PRMT3: variants seen among roughly 807,000 people sequenced by gnomAD.
The protein encoded by PRMT3 is protein arginine N-methyltransferase 3.
In PRMT3, 62 loss-of-function variants were observed where a neutral mutation model predicts 71.9. The ratio of observed to expected loss-of-function variants is 0.86; its 90% CI spans 0.70 to 1.07. PRMT3 has a LOEUF of 1.07. Ranked by LOEUF, PRMT3 falls within the 50% of genes least tolerant of loss-of-function variation. PRMT3 has a pLI of 0.00. For synonymous variants in PRMT3, 213 were observed against 220.4 expected, an observed-to-expected ratio of 0.97 and a Z score of 0.30; for missense variants, 663 against 643.0, an observed-to-expected ratio of 1.03 and a Z score of -0.34.
At chr11:20,463,610 T>C (rs1177396825) in intron 12 of PRMT3, among the ~76,000 whole-genome samples, 1 of 152,188 alleles carries the variant, frequency 6.6e-6, no homozygotes, top group Non-Finnish European at 1.5e-5. Context: ...AGTAAATAGT[T>C]TGTTCTGTAT....
At chr11:20,469,380 C>T (rs962796585) in intron 13 of PRMT3, among the ~76,000 whole-genome samples, 5 of 152,108 alleles carry the variant, frequency 3.3e-5, no homozygotes, top group African/African-American at 4.8e-5. Context: ...ATCTGTGTGT[C>T]TATAAGCTAC....
chr11:20,399,525 A>AT, intron 7 of PRMT3, among the ~76,000 whole-genome samples: 1 of 152,206 alleles, frequency 6.6e-6, no homozygotes, highest in Admixed American at 6.5e-5. Flanking sequence ...ATTAAAATTA[A>AT]TTTTTTTATG....
intron 14 of PRMT3, 82 bp downstream of exon 14, chr11:20,494,051 C>T (rs1851275225): frequency 6.9e-7 from 1 of 1,451,418 alleles, no homozygotes. Flanking sequence ...GGTGTTTAAT[C>T]ATAAGCATTT....
At chr11:20,410,602 A>C (rs1227859898) in intron 9 of PRMT3, among the ~76,000 whole-genome samples, 1 of 152,110 alleles carries the variant, frequency 6.6e-6, no homozygotes. Flanking sequence ...ATCCAGATTT[A>C]AGAACAATTT....
intron 10 of PRMT3, among the ~76,000 whole-genome samples, chr11:20,428,087 AT>A (rs554689101): frequency 1.8e-4 from 27 of 149,786 alleles, no homozygotes; most frequent in East Asian, 3.9e-4. Context: ...CAGTATGTTG[AT>A]TTTTTTTTTA....
chr11:20,427,681 A>T (rs1343718912), intron 10 of PRMT3, among the ~76,000 whole-genome samples: 1 of 152,144 alleles, frequency 6.6e-6, no homozygotes, highest in Non-Finnish European at 1.5e-5. Context: ...AGCCAGGATC[A>T]CGCCACTGCA....
At chr11:20,486,232 A>AG (rs1851067831) in intron 13 of PRMT3, among the ~76,000 whole-genome samples, 1 of 152,190 alleles carries the variant, frequency 6.6e-6, no homozygotes, top group Non-Finnish European at 1.5e-5. Context: ...TTAAAATTAG[A>AG]TTGTAATGAT....
intron 13 of PRMT3, among the ~76,000 whole-genome samples, chr11:20,472,122 A>T (rs902942200): frequency 1.3e-5 from 2 of 152,166 alleles, no homozygotes; most frequent in African/African-American, 4.8e-5. Context: ...AGTTTTCTAG[A>T]TACAGGATCA....
At chr11:20,489,530 T>G (rs1317224795) in intron 13 of PRMT3, among the ~76,000 whole-genome samples, 2 of 152,304 alleles carry the variant, frequency 1.3e-5, no homozygotes, top group African/African-American at 4.8e-5. Flanking sequence ...ATAATGTATA[T>G]TCATTGAAAT....
chr11:20,400,145 C>G lies in PRMT3; in HGVS notation c.705+2424C>G, dbSNP rs185701152. 3.5e-4 allele frequency among the ~76,000 whole-genome samples: 54 copies of G among 152,268 alleles called. 1 individual carries two copies. In the East Asian group the frequency reaches 8.5e-3, roughly 24 times the overall value. ...ATAAACTGTTCAAGGTATATTACCA[C>G]TAGAATCTTACCTAATTTTTATAAA... On this transcript the variant is annotated intron_variant, in intron 7 of 15. Transcript: ENST00000331079.
chr11:20,434,386 C>G (rs1046008750), intron 10 of PRMT3, among the ~76,000 whole-genome samples: 1 of 151,962 alleles, frequency 6.6e-6, no homozygotes, highest in Non-Finnish European at 1.5e-5. Context: ...TTAATTAAAC[C>G]CTATTTGTCA....
chr11:20,457,074 G>C (rs184109875), intron 11 of PRMT3, among the ~76,000 whole-genome samples: 81 of 151,990 alleles, frequency 5.3e-4, no homozygotes, highest in African/African-American at 1.9e-3. Context: ...TGGGGTTTCA[G>C]CATGGTGGCC....
chr11:20,488,662 AATG>A (rs915991147), intron 13 of PRMT3, among the ~76,000 whole-genome samples: 3 of 152,160 alleles, frequency 2.0e-5, no homozygotes, highest in African/African-American at 4.8e-5. Context: ...TGATAGTGAT[AATG>A]ATAATTTTTA....
chr11:20,473,770 C>T (rs891940179), intron 13 of PRMT3, among the ~76,000 whole-genome samples: 3 of 151,480 alleles, frequency 2.0e-5, no homozygotes, highest in African/African-American at 7.3e-5. Context: ...AGTTCTGCAG[C>T]CTCAGCCCAG....
chr11:20,473,406 T>G (rs1850700420), intron 13 of PRMT3, among the ~76,000 whole-genome samples: 1 of 152,182 alleles, frequency 6.6e-6, no homozygotes, highest in African/African-American at 2.4e-5. Flanking sequence ...GTTAGCTGTG[T>G]CCCAGTGATT....
At chr11:20,418,112 A>C (rs541388726) in intron 9 of PRMT3, among the ~76,000 whole-genome samples, 14 of 150,272 alleles carry the variant, frequency 9.3e-5, no homozygotes, top group Non-Finnish European at 1.2e-4. Context: ...GTGTTCTAAC[A>C]AAATTTCCCC....
intron 11 of PRMT3, among the ~76,000 whole-genome samples, chr11:20,460,166 G>T (rs900967351): frequency 5.9e-5 from 9 of 152,172 alleles, no homozygotes; most frequent in African/African-American, 2.2e-4. Context: ...TGCTAAGGCT[G>T]TGGAAATAAA....
At chr11:20,398,921 T>G (rs1848890789) in intron 7 of PRMT3, among the ~76,000 whole-genome samples, 1 of 152,212 alleles carries the variant, frequency 6.6e-6, no homozygotes, top group African/African-American at 2.4e-5. Context: ...TGTATTTAAA[T>G]CTGGCTGGTT....
intron 13 of PRMT3, 129 bp downstream of exon 13, chr11:20,464,675 T>C (rs1850466590): frequency 7.1e-7 from 1 of 1,407,808 alleles, no homozygotes; most frequent in Non-Finnish European, 9.4e-7. Context: ...CCATTGCCTT[T>C]GCTAGGCCAT....
Sources: gnomAD v4.1 joint callset for allele counts (sites outside exome capture counted in the v4.1 genomes callset) on GRCh38, gnomAD v4.1.1 for gene constraint, MANE v1.5 for transcripts, NCBI Gene and HGNC (gene_info 2026-07-23, HGNC 2026-07-21) for gene names.